DEFB121: variants seen among roughly 807,000 people sequenced by gnomAD.
DEFB121 encodes defensin beta 121.
DEFB121 carries 5 observed loss-of-function variants against 2.5 expected under a neutral mutation model. That is an observed-to-expected ratio of 1.96 (90% CI 1.03 to 4.13). The LOEUF (loss-of-function observed/expected upper bound fraction) is 4.13, where lower values mean the gene tolerates loss of function less well. Among genes scored for constraint, DEFB121 ranks in the 30% most tolerant of loss-of-function variants. The probability of loss-of-function intolerance (pLI) is 0.00; values close to 1 mark genes in which losing one functional copy is unlikely to be tolerated. For missense variants in DEFB121, 87 were observed against 85.0 expected (o/e 1.02, Z -0.09); for synonymous variants, 39 against 32.6 (o/e 1.20, Z -0.67).
chr20:31,416,473 A>C (rs1189735114), upstream of DEFB121, among the ~76,000 whole-genome samples: 1 of 152,210 alleles, frequency 6.6e-6, no homozygotes, highest in Non-Finnish European at 1.5e-5. Context: ...ATATTTGAAA[A>C]ACCTTAGTTT....
upstream of DEFB121, among the ~76,000 whole-genome samples, chr20:31,416,627 C>A (rs1176791443): frequency 6.6e-6 from 1 of 152,138 alleles, no homozygotes; most frequent in Non-Finnish European, 1.5e-5. Context: ...GCTCTTCCAG[C>A]AATGGAAAAA....
chr20:31,417,133 G>A (rs928867828), upstream of DEFB121, among the ~76,000 whole-genome samples: 1 of 152,152 alleles, frequency 6.6e-6, no homozygotes, highest in Non-Finnish European at 1.5e-5. Flanking sequence ...ATCACTTGAG[G>A]TCAGGAGTTC....
At chr20:31,412,463 C>T (rs1978690509) in intron 1 of DEFB121, among the ~76,000 whole-genome samples, 1 of 152,188 alleles carries the variant, frequency 6.6e-6, no homozygotes, top group Admixed American at 6.6e-5. Context: ...CTCTGAACTT[C>T]AGTTTAATTA....
At chr20:31,410,530 A>G (rs1278758480), upstream of DEFB121, among the ~76,000 whole-genome samples, 1 of 152,210 alleles carries the variant, frequency 6.6e-6, no homozygotes, top group Non-Finnish European at 1.5e-5. Flanking sequence ...AGTAAAATAA[A>G]ATAAGAGAAG....
upstream of DEFB121, among the ~76,000 whole-genome samples, chr20:31,413,873 T>C (rs1978731899): frequency 6.6e-6 from 1 of 152,144 alleles, no homozygotes; most frequent in Non-Finnish European, 1.5e-5. Flanking sequence ...GAATGTAAAA[T>C]GGTGTGGCCA....
chr20:31,408,216 G>C (rs1331337111), upstream of DEFB121, among the ~76,000 whole-genome samples: 2 of 152,236 alleles, frequency 1.3e-5, no homozygotes, highest in African/African-American at 4.8e-5. Flanking sequence ...GGCTAAGGCA[G>C]GAGGATTGCT....
chr20:31,410,131 T>C (rs1978616796), upstream of DEFB121, among the ~76,000 whole-genome samples: 1 of 152,186 alleles, frequency 6.6e-6, no homozygotes, highest in Non-Finnish European at 1.5e-5. Flanking sequence ...ACTTAAAATA[T>C]ATACACATTT....
At chr20:31,414,599 C>T (rs1000548691), upstream of DEFB121, among the ~76,000 whole-genome samples, 1 of 152,134 alleles carries the variant, frequency 6.6e-6, no homozygotes, top group South Asian at 2.1e-4. Flanking sequence ...AAACCAGTCA[C>T]GGAAAGACAA....
chr20:31,417,676 A>G (rs1003692050), upstream of DEFB121, among the ~76,000 whole-genome samples: 2 of 152,112 alleles, frequency 1.3e-5, no homozygotes, highest in Non-Finnish European at 2.9e-5. Flanking sequence ...AAATTTAGGG[A>G]CAATGGTTGG....
chr20:31,414,380 C>T (rs1389485991), upstream of DEFB121, among the ~76,000 whole-genome samples: 2 of 152,178 alleles, frequency 1.3e-5, no homozygotes, highest in Non-Finnish European at 2.9e-5. Flanking sequence ...GAATCAGTAT[C>T]TTGAAGAGAT....
At chr20:31,405,191 A>G (rs1472698859) in intron 1 of DEFB121, 106 bp from the exon 2 acceptor site, 2 of 1,122,396 alleles carry the variant, frequency 1.8e-6, no homozygotes, top group Non-Finnish European at 2.5e-6. Flanking sequence ...GGAAATGAGG[A>G]GGTCTGTGGG....
At chr20:31,410,906 G>T (rs909257682), upstream of DEFB121, among the ~76,000 whole-genome samples, 3 of 151,870 alleles carry the variant, frequency 2.0e-5, no homozygotes, top group Admixed American at 6.6e-5. Context: ...TAGTCTAGAA[G>T]GTACTTTCTT....
upstream of DEFB121, among the ~76,000 whole-genome samples, chr20:31,413,880 G>C (rs1396114037): frequency 6.6e-6 from 1 of 152,186 alleles, no homozygotes; most frequent in African/African-American, 2.4e-5. Flanking sequence ...AAATGGTGTG[G>C]CCACTATGGA....
upstream of DEFB121, among the ~76,000 whole-genome samples, chr20:31,416,820 A>T (rs998717328): frequency 2.0e-5 from 3 of 152,124 alleles, no homozygotes; most frequent in Admixed American, 6.5e-5. Context: ...GACAACTATC[A>T]TGGGTCTATT....
chr20:31,415,600 T>C (rs571630262), upstream of DEFB121, among the ~76,000 whole-genome samples: 6 of 152,098 alleles, frequency 3.9e-5, no homozygotes, highest in South Asian at 1.0e-3. Flanking sequence ...TCAGGCAGAA[T>C]GTCCACATAC....
upstream of DEFB121, among the ~76,000 whole-genome samples, chr20:31,407,912 G>C (rs1402685483): frequency 2.0e-5 from 3 of 152,144 alleles, no homozygotes. Flanking sequence ...CGAGTAGCTA[G>C]GACTACAGGC....
upstream of DEFB121, among the ~76,000 whole-genome samples, chr20:31,415,727 GACCTTC>G (rs1341148021): frequency 2.0e-5 from 3 of 152,038 alleles, no homozygotes; most frequent in African/African-American, 4.8e-5. Flanking sequence ...GTTCATGGAG[GACCTTC>G]TCCTTCTCCA....
At chr20:31,410,628 A>C (rs188502027), upstream of DEFB121, among the ~76,000 whole-genome samples, 1 of 152,312 alleles carries the variant, frequency 6.6e-6, no homozygotes, top group Admixed American at 6.5e-5. Flanking sequence ...TATATTGACA[A>C]GGGGCTTACT....
intron 1 of DEFB121, among the ~76,000 whole-genome samples, chr20:31,411,782 A>G (rs867875191): frequency 4.6e-5 from 7 of 152,334 alleles, no homozygotes; most frequent in Middle Eastern, 3.4e-3. Flanking sequence ...AGGTGTACGC[A>G]GTTACCTGGA....
Sources: gnomAD v4.1 joint callset for allele counts (sites outside exome capture counted in the v4.1 genomes callset) on GRCh38, gnomAD v4.1.1 for gene constraint, MANE v1.5 for transcripts, NCBI Gene and HGNC (gene_info 2026-07-23, HGNC 2026-07-21) for gene names.